The following RORA variants were observed in gnomAD, a reference collection of about 807,000 sequenced individuals.
The protein encoded by RORA is nuclear receptor ROR-alpha.
RORA carries 7 observed loss-of-function variants against 69.5 expected under a neutral mutation model. That is an observed-to-expected ratio of 0.10 (90% confidence interval 0.06 to 0.19). The LOEUF (loss-of-function observed/expected upper bound fraction) is 0.19. RORA is among the 10% of genes least tolerant of loss of function. RORA has a pLI of 1.00. For missense variants in RORA, 457 were observed against 663.0 expected, an observed-to-expected ratio of 0.69 and a Z score of 3.41; for synonymous variants, 261 against 240.8, an observed-to-expected ratio of 1.08 and a Z score of -0.78.
intron 1 of RORA, among the ~76,000 whole-genome samples, chr15:60,741,651 G>T (rs1389350092): frequency 2.0e-5 from 3 of 152,172 alleles, no homozygotes; most frequent in Non-Finnish European, 4.4e-5. Flanking sequence ...CCTCATAGCA[G>T]ATCTAGTTCC....
chr15:61,123,705 T>C (rs1342588172), intron 1 of RORA, among the ~76,000 whole-genome samples: 1 of 152,082 alleles, frequency 6.6e-6, no homozygotes, highest in Non-Finnish European at 1.5e-5. Context: ...TTCCCCGTCT[T>C]CCAGGAGATT....
chr15:60,711,245 C>A (rs747414652), intron 1 of RORA, among the ~76,000 whole-genome samples: 17 of 152,170 alleles, frequency 1.1e-4, no homozygotes, highest in Non-Finnish European at 1.3e-4. Context: ...ACTAGTCACT[C>A]ATGGACACTC....
chr15:60,603,798 C>T (rs2068875839), intron 2 of RORA, among the ~76,000 whole-genome samples: 3 of 152,310 alleles, frequency 2.0e-5, no homozygotes, highest in Admixed American at 1.3e-4. Context: ...TCAGCAAGCA[C>T]TGTGCTTGGG....
rs2079357354 is a variant in RORA at position 61,147,150 on chromosome 15, G to T, written c.166+81903C>A. ...GCCTCATGCATTCTGGCCATTTTCG[G>T]GCTTATTTTATTCCCCAGAACCTTT... On this transcript the variant is annotated intron_variant, in intron 1 of 10. Transcript: ENST00000335670. The surrounding 1 kb of genome is among the most constrained non-coding windows in gnomAD (Gnocchi z 4.1). 1.3e-5 allele frequency among the ~76,000 whole-genome samples: 2 copies of T among 152,172 alleles called. No individual in the cohort carries two copies. The highest frequency in any genetic ancestry group is 4.1e-4 in the South Asian group (2 of 4,822).
At chr15:60,949,092 C>T (rs1892996880) in intron 1 of RORA, among the ~76,000 whole-genome samples, 1 of 152,148 alleles carries the variant, frequency 6.6e-6, no homozygotes. Context: ...GGTGTCCAGT[C>T]CTGCATTCTT....
At chr15:60,911,854 G>T (rs1159165919) in intron 1 of RORA, among the ~76,000 whole-genome samples, 1 of 107,940 alleles carries the variant, frequency 9.3e-6, no homozygotes, top group African/African-American at 3.3e-5. Context: ...CGTGCACCTG[G>T]CTAAGTTTTT....
At chr15:60,639,989 G>A (rs910615434) in intron 2 of RORA, among the ~76,000 whole-genome samples, 8 of 152,160 alleles carry the variant, frequency 5.3e-5, no homozygotes, top group East Asian at 1.9e-4. Flanking sequence ...CTGTTGTATC[G>A]TGGAGGGAGA....
chr15:61,186,318 T>C (rs1357385863), intron 1 of RORA, among the ~76,000 whole-genome samples: 1 of 152,024 alleles, frequency 6.6e-6, no homozygotes, highest in Non-Finnish European at 1.5e-5. Context: ...CTGATGTGCA[T>C]CAGAACCACC....
At chr15:61,212,100 G>C in intron 1 of RORA, among the ~76,000 whole-genome samples, 1 of 151,892 alleles carries the variant, frequency 6.6e-6, no homozygotes, top group East Asian at 1.9e-4. Context: ...CCTCTCCTAC[G>C]AAGTCTTCCT....
rs974871220 is a variant in RORA, at chr15:60,704,719, C to G, written c.167-26033G>C. 1.4e-4 allele frequency among the ~76,000 whole-genome samples: 21 copies of G among 152,144 alleles called. 1 individual carries two copies. Among genetic ancestry groups the G allele is most frequent in the Admixed American group, 1.4e-3 (21 of 15,274 alleles). ...ATGCGTAATCTAGGTCGGACGGGCA[C>G]TGATTCACAGAATACTATATTAGAG... On this transcript the variant is annotated intron_variant, in intron 1 of 10. Transcript: ENST00000335670.
intron 5 of RORA, among the ~76,000 whole-genome samples, chr15:60,506,380 C>T (rs1251777884): frequency 6.6e-6 from 1 of 152,170 alleles, no homozygotes; most frequent in Non-Finnish European, 1.5e-5. Context: ...TATTATTATA[C>T]TTGAGCATAA....
At chr15:60,994,977 G>T (rs1894488985) in intron 1 of RORA, among the ~76,000 whole-genome samples, 1 of 152,144 alleles carries the variant, frequency 6.6e-6, no homozygotes. Flanking sequence ...TATAACAAAG[G>T]CCTAATTACA....
At chr15:61,191,051 A>T (rs892581255) in intron 1 of RORA, among the ~76,000 whole-genome samples, 2 of 152,146 alleles carry the variant, frequency 1.3e-5, no homozygotes, top group East Asian at 3.9e-4. Context: ...TTTTTCATAC[A>T]TTCACATTTC....
chr15:60,857,888 G>A (rs1330593465), intron 1 of RORA, among the ~76,000 whole-genome samples: 1 of 152,232 alleles, frequency 6.6e-6, no homozygotes, highest in African/African-American at 2.4e-5. Flanking sequence ...TTTCACAGAT[G>A]AGAAAGTCAG....
At chr15:60,834,901 T>A (rs945796133) in intron 1 of RORA, among the ~76,000 whole-genome samples, 7 of 151,506 alleles carry the variant, frequency 4.6e-5, no homozygotes, top group Non-Finnish European at 1.0e-4. Context: ...TTCGCAGGAT[T>A]TTTTTTTTCC....
At chr15:61,066,879 CAAAAAAAA>C (rs33936803) in intron 1 of RORA, among the ~76,000 whole-genome samples, 3 of 71,294 alleles carry the variant, frequency 4.2e-5, no homozygotes, top group African/African-American at 5.6e-5. Context: ...TTCATAAGAC[CAAAAAAAA>C]AAAAAAAAAA....
At chr15:61,070,186 A>G (rs933127657) in intron 1 of RORA, among the ~76,000 whole-genome samples, 1 of 152,204 alleles carries the variant, frequency 6.6e-6, no homozygotes, top group East Asian at 1.9e-4. Context: ...CAACTTGTGC[A>G]TGACTCAAAT....
intron 1 of RORA, among the ~76,000 whole-genome samples, chr15:60,691,939 A>G (rs2070833407): frequency 6.6e-6 from 1 of 152,208 alleles, no homozygotes. Context: ...AGTTAACCAT[A>G]TGCTACATAC....
intron 1 of RORA, among the ~76,000 whole-genome samples, chr15:61,172,884 T>C (rs2079598046): frequency 6.6e-6 from 1 of 152,188 alleles, no homozygotes; most frequent in Non-Finnish European, 1.5e-5. Flanking sequence ...GTAGATGCTG[T>C]GTCCAAGCAA....
Sources: allele counts gnomAD v4.1 joint callset (sites outside exome capture counted in the v4.1 genomes callset), GRCh38; gene constraint gnomAD v4.1.1; non-coding constraint Gnocchi (gnomAD v3.1); transcripts MANE v1.5; gene names NCBI Gene and HGNC (gene_info 2026-07-23, HGNC 2026-07-21).